Variants in AMPH observed in about 807,000 individuals in gnomAD.
AMPH encodes amphiphysin.
Under a neutral mutation model 99.1 loss-of-function variants are expected in AMPH, and 49 were observed. That is an observed-to-expected ratio of 0.49 (90% CI 0.39 to 0.63). The LOEUF (loss-of-function observed/expected upper bound fraction) is 0.63. Ranked by LOEUF, AMPH falls within the 20% of genes least tolerant of loss-of-function variation. AMPH has a pLI of 0.00. For missense variants in AMPH, 759 were observed against 863.4 expected (o/e 0.88, Z 1.52); for synonymous variants, 314 against 317.3 (o/e 0.99, Z 0.11).
intron 13 of AMPH, chr7:38,431,961 T>C (rs1786046546): frequency 1.7e-6 from 1 of 596,948 alleles, no homozygotes; most frequent in Non-Finnish European, 3.1e-6. Flanking sequence ...ATTCAAATTA[T>C]TGACCATTAT....
At chr7:38,604,499 C>T (rs1208887765) in intron 1 of AMPH, among the ~76,000 whole-genome samples, 3 of 152,196 alleles carry the variant, frequency 2.0e-5, no homozygotes, top group South Asian at 4.1e-4. Flanking sequence ...CCCAGCCCTG[C>T]ACAGGGCAGT....
intron 1 of AMPH, among the ~76,000 whole-genome samples, chr7:38,542,059 A>T (rs146936931): frequency 1.5e-3 from 222 of 152,282 alleles, no homozygotes; most frequent in African/African-American, 5.0e-3. Flanking sequence ...AGAAAAAAAA[A>T]TATTGGTGGG....
intron 2 of AMPH, among the ~76,000 whole-genome samples, chr7:38,525,304 AGAGAGAGAG>A: frequency 7.4e-6 from 1 of 134,248 alleles, no homozygotes; most frequent in Non-Finnish European, 1.6e-5. Context: ...AGAGAGAGAG[AGAGAGAGAG>A]GGAGCCTTTG....
chr7:38,463,524 C>T (rs1233452901), intron 9 of AMPH, among the ~76,000 whole-genome samples: 1 of 152,146 alleles, frequency 6.6e-6, no homozygotes, highest in African/African-American at 2.4e-5. Context: ...TGATTTTACT[C>T]GTTTCACTTT....
intron 12 of AMPH, among the ~76,000 whole-genome samples, chr7:38,433,922 T>G (rs1042905404): frequency 6.6e-6 from 1 of 152,044 alleles, no homozygotes; most frequent in Non-Finnish European, 1.5e-5. Context: ...GGTGTTCTGC[T>G]AGCAGCAAGA....
intron 2 of AMPH, among the ~76,000 whole-genome samples, chr7:38,509,240 C>T (rs1047927699): frequency 2.0e-5 from 3 of 152,094 alleles, no homozygotes; most frequent in Admixed American, 6.6e-5. Flanking sequence ...TGGATATTTG[C>T]AGTCATATTC....
At chr7:38,556,009 G>A (rs1399300997) in intron 1 of AMPH, among the ~76,000 whole-genome samples, 1 of 151,684 alleles carries the variant, frequency 6.6e-6, no homozygotes, top group Non-Finnish European at 1.5e-5. Context: ...CTAACTATTG[G>A]GTACTATGTT....
At chr7:38,416,067 T>C (rs1194262777) in intron 17 of AMPH, among the ~76,000 whole-genome samples, 1 of 134,462 alleles carries the variant, frequency 7.4e-6, no homozygotes, top group Non-Finnish European at 1.6e-5. Flanking sequence ...ATATTTTTCA[T>C]ATTACCCTTA....
intron 10 of AMPH, among the ~76,000 whole-genome samples, chr7:38,462,223 G>A (rs984826307): frequency 2.0e-5 from 3 of 152,164 alleles, no homozygotes; most frequent in African/African-American, 4.8e-5. Flanking sequence ...TTCTCGGCGC[G>A]TTTAAGGTAG....
intron 2 of AMPH, among the ~76,000 whole-genome samples, chr7:38,526,528 G>A (rs745525389): frequency 7.1e-6 from 1 of 140,658 alleles, no homozygotes; most frequent in African/African-American, 2.7e-5. Context: ...CACCTACTTC[G>A]GCCTCCCAAA....
chr7:38,622,321 A>G (rs967894201), intron 1 of AMPH, among the ~76,000 whole-genome samples: 4 of 152,166 alleles, frequency 2.6e-5, no homozygotes, highest in Non-Finnish European at 4.4e-5. Context: ...AAAATGCATC[A>G]TTTTAAGAAA....
intron 18 of AMPH, among the ~76,000 whole-genome samples, chr7:38,393,740 G>A (rs567199323): frequency 4.6e-5 from 7 of 152,024 alleles, no homozygotes; most frequent in South Asian, 2.1e-4. Context: ...CTTTCTCCAC[G>A]TCACCCCAGT....
chr7:38,428,815 C>G (rs958362291), intron 14 of AMPH: 5 of 472,048 alleles, frequency 1.1e-5, no homozygotes, highest in Admixed American at 4.7e-5. Context: ...TCTCCTCCTT[C>G]CATGTCCTTT....
At chr7:38,441,805 T>TCTATCATATATATGATAG (rs1349720657) in intron 11 of AMPH, among the ~76,000 whole-genome samples, 1 of 96,356 alleles carries the variant, frequency 1.0e-5, no homozygotes, top group African/African-American at 4.3e-5. Context: ...ATATCATATA[T>TCTATCATATATATGATAG]ATATCATATA....
intron 2 of AMPH, among the ~76,000 whole-genome samples, chr7:38,515,476 C>T (rs938880617): frequency 4.6e-5 from 7 of 152,164 alleles, no homozygotes; most frequent in African/African-American, 7.2e-5. Flanking sequence ...TCACCCTCCA[C>T]CATGATTGTA....
intron 1 of AMPH, among the ~76,000 whole-genome samples, chr7:38,574,526 C>A (rs1255627942): frequency 6.6e-6 from 1 of 152,344 alleles, no homozygotes; most frequent in African/African-American, 2.4e-5. Flanking sequence ...TTTGCAATTG[C>A]AGCTGCTGTT....
At chr7:38,628,935 C>T (rs1364973008) in intron 1 of AMPH, among the ~76,000 whole-genome samples, 1 of 152,184 alleles carries the variant, frequency 6.6e-6, no homozygotes, top group Non-Finnish European at 1.5e-5. Context: ...GGAGCCTAAA[C>T]ATATGCAAGC....
chr7:38,531,338 GCTCT>G (rs1790391244), intron 2 of AMPH: 1 of 152,226 alleles, frequency 6.6e-6, no homozygotes, highest in African/African-American at 2.4e-5. Context: ...ATGGCACCAG[GCTCT>G]CCTTGTTTTA....
intron 4 of AMPH, 40 bp from the exon 5 acceptor site, chr7:38,491,185 T>C: frequency 1.4e-6 from 2 of 1,383,344 alleles, no homozygotes; most frequent in Non-Finnish European, 2.0e-6. Flanking sequence ...TTATTTTAAT[T>C]GGATACCTTT....
Sources: gnomAD v4.1 joint callset for allele counts (sites outside exome capture counted in the v4.1 genomes callset) on GRCh38, gnomAD v4.1.1 for gene constraint, MANE v1.5 for transcripts, NCBI Gene and HGNC (gene_info 2026-07-23, HGNC 2026-07-21) for gene names.